The following ACADL variants were observed in gnomAD, a reference collection of about 807,000 sequenced individuals.
ACADL encodes the protein long-chain specific acyl-CoA dehydrogenase, mitochondrial.
Under a neutral mutation model 56.9 loss-of-function variants are expected in ACADL, and 60 were observed. That is an observed-to-expected ratio of 1.05 (90% CI 0.86 to 1.31). The LOEUF is 1.31. ACADL is among the 50% of genes most tolerant of loss of function. The probability of loss-of-function intolerance (pLI) is 0.00; values close to 1 mark genes in which losing one functional copy is unlikely to be tolerated. For missense variants in ACADL, 484 were observed against 525.5 expected (o/e 0.92, Z 0.77); for synonymous variants, 158 against 179.7 (o/e 0.88, Z 0.97).
At chr2:210,216,775 G>A (rs1335532780) in intron 3 of ACADL, 1 of 411,496 alleles carries the variant, frequency 2.4e-6, no homozygotes, top group Admixed American at 3.6e-5. Flanking sequence ...ATCACCTGCA[G>A]TTGTATTCCT....
intron 8 of ACADL, among the ~76,000 whole-genome samples, chr2:210,199,727 A>G (rs1688763595): frequency 6.6e-6 from 1 of 152,018 alleles, no homozygotes; most frequent in Admixed American, 6.6e-5. Context: ...CTAAAGGTAT[A>G]TTTTTGTTTT....
At chr2:210,207,536 C>G (rs557326198) in intron 5 of ACADL, among the ~76,000 whole-genome samples, 1 of 152,228 alleles carries the variant, frequency 6.6e-6, no homozygotes, top group Non-Finnish European at 1.5e-5. Context: ...ATGAATTGTA[C>G]TCATCCTGGG....
At chr2:210,221,930 A>C (rs1033496605) in intron 1 of ACADL, among the ~76,000 whole-genome samples, 1 of 151,900 alleles carries the variant, frequency 6.6e-6, no homozygotes, top group Admixed American at 6.6e-5. Context: ...GGGTTTCACC[A>C]TGTTGACCAG....
At chr2:210,216,557 A>C (rs766063127) in intron 3 of ACADL, 46 bp from the exon 4 acceptor site, 1 of 1,544,326 alleles carries the variant, frequency 6.5e-7, no homozygotes. Flanking sequence ...AATAGCAATA[A>C]AAAACGACTA....
At chr2:210,223,814 T>C (rs1559643360) in intron 1 of ACADL, among the ~76,000 whole-genome samples, 1 of 152,210 alleles carries the variant, frequency 6.6e-6, no homozygotes, top group Non-Finnish European at 1.5e-5. Flanking sequence ...TGTAATGAGC[T>C]TCTTATTGTA....
chr2:210,210,406 G>A (rs546890985), intron 4 of ACADL, 144 bp from the exon 5 acceptor site: 6 of 613,426 alleles, frequency 9.8e-6, no homozygotes, highest in Non-Finnish European at 1.7e-5. Flanking sequence ...TCACACAATT[G>A]CACTGAAAAA....
intron 8 of ACADL, 39 bp from the exon 9 acceptor site, chr2:210,195,377 G>A: frequency 1.9e-6 from 3 of 1,590,172 alleles, no homozygotes; most frequent in East Asian, 4.5e-5. Context: ...AGTGAGCATG[G>A]TAGAAATATA....
chr2:210,202,561 T>C (rs1350726876), intron 8 of ACADL, among the ~76,000 whole-genome samples: 1 of 152,124 alleles, frequency 6.6e-6, no homozygotes, highest in African/African-American at 2.4e-5. Context: ...TGTGTCAGCA[T>C]CCACAAACTC....
chr2:210,195,551 A>G (rs996566954), intron 8 of ACADL, among the ~76,000 whole-genome samples: 2 of 152,196 alleles, frequency 1.3e-5, no homozygotes, highest in Non-Finnish European at 2.9e-5. Flanking sequence ...TTGTACTAAA[A>G]GATGCAAAAA....
At chr2:210,201,093 G>A (rs1688784461) in intron 8 of ACADL, among the ~76,000 whole-genome samples, 1 of 152,140 alleles carries the variant, frequency 6.6e-6, no homozygotes. Context: ...GCCCACCTGT[G>A]CACTGGGAGG....
intron 7 of ACADL, among the ~76,000 whole-genome samples, chr2:210,203,864 G>A (rs1053741262): frequency 6.6e-6 from 1 of 152,002 alleles, no homozygotes; most frequent in Admixed American, 6.6e-5. Flanking sequence ...TTATATATAT[G>A]CAATTTAATT....
At chr2:210,221,479 TG>T (rs1689175183) in intron 1 of ACADL, among the ~76,000 whole-genome samples, 1 of 152,214 alleles carries the variant, frequency 6.6e-6, no homozygotes, top group Non-Finnish European at 1.5e-5. Context: ...AAAGAAATTT[TG>T]AAAATCTATG....
At chr2:210,220,266 A>T (rs886767207) in intron 2 of ACADL, among the ~76,000 whole-genome samples, 2 of 152,210 alleles carry the variant, frequency 1.3e-5, no homozygotes, top group Non-Finnish European at 2.9e-5. Context: ...AGAACTATCC[A>T]GAGGTAACCA....
chr2:210,197,951 G>A (rs899379520), intron 8 of ACADL, among the ~76,000 whole-genome samples: 2 of 152,144 alleles, frequency 1.3e-5, no homozygotes, highest in African/African-American at 4.8e-5. Context: ...CCATTGGGTT[G>A]AGCGTTACTA....
At chr2:210,192,592 T>C (rs1688651465) in intron 10 of ACADL, among the ~76,000 whole-genome samples, 1 of 152,148 alleles carries the variant, frequency 6.6e-6, no homozygotes, top group Non-Finnish European at 1.5e-5. Flanking sequence ...TGTTTATTGG[T>C]CTCTTTACTT....
rs774761910 is a variant in ACADL at position 210,220,728 on chromosome 2, C to G, written c.152G>C (p.Arg51Thr). 1.9e-6 allele frequency: 3 copies of G among 1,613,052 alleles called. No individual in the cohort carries two copies. The Admixed American group carries it at 5.0e-5, about 27-fold the overall frequency. ...AKKLTDIGIR[R>T]IFSPEHDIFR... ...AATGTCATGCTCTGGAGAAAAGATT[C>G]TTCGAATTCCTATATCTGTTAATTT... The change falls in exon 2 of 11, where the codon AGA becomes ACA. Residue 51 changes from arginine (R) to threonine (T), a missense_variant. Transcript: ENST00000233710.
At position 210,217,719 on chromosome 2, in the gene ACADL, A is replaced by G. The variant is rs1689109347; in HGVS notation, c.371+246T>C. ...AAGTAACCATAAGCATTGACAGGAAAAAAAAACTATCTCTTTAATTTTCAA... is the reference window on the plus strand; with the variant it reads ...AAGTAACCATAAGCATTGACAGGAAGAAAAAACTATCTCTTTAATTTTCAA... On this transcript the variant is annotated intron_variant, in intron 3 of 10. Coordinates refer to ENST00000233710, the MANE Select transcript of ACADL (RefSeq NM_001608.4). The G allele has an allele frequency of 1.1e-5, 5 of 476,136 alleles. No homozygotes were observed. The East Asian group carries it at 1.9e-4, about 18-fold the overall frequency. 29.5% of individuals were successfully genotyped at this position (476,136 alleles called of 1,614,324 possible). A position where few individuals can be genotyped will look rare whatever the true frequency, so the allele number is the denominator to read the frequency against.
intron 4 of ACADL, among the ~76,000 whole-genome samples, chr2:210,215,185 G>A (rs1013194165): frequency 3.3e-5 from 5 of 152,090 alleles, no homozygotes; most frequent in Admixed American, 3.3e-4. Flanking sequence ...TTACCAGTTA[G>A]CCTCAAACCA....
At position 210,225,381 on chromosome 2, in the gene ACADL, C is replaced by CA. The variant is rs1340370952; in HGVS notation, c.-119dup. 4.3e-6 allele frequency: 5 copies of CA among 1,172,278 alleles called. No homozygotes were observed. The Admixed American group carries it at 8.0e-5, about 19-fold the overall frequency. The allele number at this position is 1,172,278 out of a possible 1,614,324, so 72.6% of individuals were successfully genotyped here. A position where few individuals can be genotyped will look rare whatever the true frequency, so the allele number is the denominator to read the frequency against. ...GAGGCGTCCACCTGTGGTGTCCTCC[C>CA]AAAAAAGCGCTCGCGCGCGCCCTTC... On this transcript the variant is annotated 5_prime_UTR_variant, in exon 1 of 11. Coordinates refer to ENST00000233710, the MANE Select transcript of ACADL (RefSeq NM_001608.4).
Sources: gnomAD v4.1 joint callset for allele counts (sites outside exome capture counted in the v4.1 genomes callset) on GRCh38, gnomAD v4.1.1 for gene constraint, MANE v1.5 for transcripts, NCBI Gene and HGNC (gene_info 2026-07-23, HGNC 2026-07-21) for gene names.